PLD5: variants seen among roughly 807,000 people sequenced by gnomAD.
The protein encoded by PLD5 is inactive phospholipase D5.
Under a neutral mutation model 61.1 loss-of-function variants are expected in PLD5, and 36 were observed. The observed-to-expected ratio is 0.59, with a 90% confidence interval of 0.45 to 0.78. The LOEUF is 0.78. PLD5 is among the 30% of genes least tolerant of loss of function. PLD5 has a pLI of 0.00. For missense variants in PLD5, 515 were observed against 644.4 expected (o/e 0.80, Z 2.17); for synonymous variants, 243 against 242.8 (o/e 1.00, Z -0.01).
chr1:242,287,004 G>T (rs1384006184), intron 3 of PLD5, among the ~76,000 whole-genome samples: 2 of 152,044 alleles, frequency 1.3e-5, no homozygotes, highest in African/African-American at 4.8e-5. Context: ...TCCTGTACTT[G>T]GATGTTGCTC....
In PLD5 at chr1:242,154,229, T is replaced by C. The variant is rs1020813190; in HGVS notation, c.736-29564A>G. On this transcript the variant is annotated intron_variant, in intron 5 of 9. Transcript: ENST00000536534. ...GACTTTGCAGAAGTTGCTTATCAGC[T>C]TAAGGAGATTTTGGGCTGAGAAGAT... Among the ~76,000 whole-genome samples the C allele has an allele frequency of 5.9e-5, 9 of 152,226 alleles. No individual in the cohort carries two copies. In the East Asian group the frequency reaches 1.3e-3, roughly 23 times the overall value.
intron 1 of PLD5, among the ~76,000 whole-genome samples, chr1:242,372,832 T>TA (rs762620116): frequency 6.1e-4 from 48 of 78,360 alleles, no homozygotes; most frequent in Non-Finnish European, 1.1e-3. Context: ...CCTAAAACCA[T>TA]AAAAACCCTA....
intron 4 of PLD5, among the ~76,000 whole-genome samples, chr1:242,247,078 G>T (rs1672425648): frequency 2.0e-5 from 3 of 151,176 alleles, no homozygotes; most frequent in African/African-American, 7.3e-5. Flanking sequence ...CCGCCTCCCG[G>T]GTTCACGCCA....
At chr1:242,131,295 ACT>A (rs561375767) in intron 5 of PLD5, among the ~76,000 whole-genome samples, 63 of 151,994 alleles carry the variant, frequency 4.1e-4, no homozygotes, top group Non-Finnish European at 8.4e-4. Flanking sequence ...ACAGAGTGAG[ACT>A]CTGTCTCAAA....
At chr1:242,290,080 G>A (rs141377206) in intron 2 of PLD5, among the ~76,000 whole-genome samples, 8,541 of 150,910 alleles carry the variant, frequency 0.057, 289 homozygotes, top group Middle Eastern at 0.11. Context: ...ACACAGAAAT[G>A]ACTACCACAA....
chr1:242,371,754 G>C (rs1352421449), intron 1 of PLD5, among the ~76,000 whole-genome samples: 1 of 152,134 alleles, frequency 6.6e-6, no homozygotes, highest in Non-Finnish European at 1.5e-5. Context: ...TACAAATGAT[G>C]ACATCCTGAG....
Position 242,348,099 on chromosome 1 carries a change from C to G in PLD5, c.326+7G>C. On this transcript the variant is annotated splice_region_variant and intron_variant, in intron 2 of 9. Transcript: ENST00000536534. ...CTAAAAGAGAATTTTTGTTTGTTAC[C>G]TCTTACCGACATTTATTTTGGCAAT... 6.2e-7 allele frequency: 1 copy of G among 1,612,642 alleles called. No individual in the cohort carries two copies. The highest frequency in any genetic ancestry group is 8.5e-7 in the Non-Finnish European group (1 of 1,179,404).
At chr1:242,244,446 G>T (rs554853847) in intron 4 of PLD5, among the ~76,000 whole-genome samples, 1 of 152,292 alleles carries the variant, frequency 6.6e-6, no homozygotes, top group East Asian at 1.9e-4. Context: ...ATACTGAAAG[G>T]AATTTATCCT....
intron 1 of PLD5, among the ~76,000 whole-genome samples, chr1:242,497,786 TA>T (rs1668418814): frequency 6.6e-6 from 1 of 152,242 alleles, no homozygotes; most frequent in Non-Finnish European, 1.5e-5. Context: ...GAATCATTTA[TA>T]ATGTCCTCAC....
In PLD5 at chr1:242,403,687, C is replaced by T. The variant is rs1011132343; in HGVS notation, c.190-55445G>A. 7.9e-5 allele frequency among the ~76,000 whole-genome samples: 12 copies of T among 151,998 alleles called. No individual in the cohort carries two copies. In the South Asian group the frequency reaches 2.1e-3, roughly 26 times the overall value. On this transcript the variant is annotated intron_variant, in intron 1 of 9. Transcript: ENST00000536534. The stretch of plus-strand genomic sequence containing the variant: ...TTCACCATGTTGGCCAGGCTGGTCT[C>T]GAACCCTTGACCTCAAGTGATCCGC...
At chr1:242,481,707 A>C (rs1667783307) in intron 1 of PLD5, among the ~76,000 whole-genome samples, 1 of 152,232 alleles carries the variant, frequency 6.6e-6, no homozygotes, top group African/African-American at 2.4e-5. Context: ...CTTTGAAGAC[A>C]GTAGTGGTTC....
At chr1:242,149,673 A>C (rs1436255958) in intron 5 of PLD5, among the ~76,000 whole-genome samples, 2 of 112,940 alleles carry the variant, frequency 1.8e-5, no homozygotes, top group Non-Finnish European at 3.3e-5. Context: ...ATACACATAC[A>C]CACACACACA....
At chr1:242,451,465 T>TTTG (rs1457183177) in intron 1 of PLD5, among the ~76,000 whole-genome samples, 15 of 149,680 alleles carry the variant, frequency 1.0e-4, no homozygotes, top group African/African-American at 3.7e-4. Context: ...AATTCTTTTT[T>TTTG]TTTTTTTTTT....
At chr1:242,326,394 G>T (rs1487742950) in intron 2 of PLD5, among the ~76,000 whole-genome samples, 2 of 152,170 alleles carry the variant, frequency 1.3e-5, no homozygotes, top group African/African-American at 2.4e-5. Context: ...AAAACACGGG[G>T]TCATGCTACA....
chr1:242,195,664 C>CTG (rs1289393608), intron 5 of PLD5, among the ~76,000 whole-genome samples: 1 of 152,210 alleles, frequency 6.6e-6, no homozygotes. Flanking sequence ...ACTGCCATGG[C>CTG]TGTGTGTCTC....
At chr1:242,217,000 C>T (rs1670254014) in intron 5 of PLD5, among the ~76,000 whole-genome samples, 1 of 152,200 alleles carries the variant, frequency 6.6e-6, no homozygotes, top group African/African-American at 2.4e-5. Context: ...GATGATAGTA[C>T]TGCTGAATAC....
chr1:242,218,502 C>T (rs1444540215), intron 5 of PLD5, among the ~76,000 whole-genome samples: 2 of 152,172 alleles, frequency 1.3e-5, no homozygotes, highest in East Asian at 3.8e-4. Context: ...AGTGAGTTTG[C>T]AGAGCTCAAG....
intron 3 of PLD5, among the ~76,000 whole-genome samples, chr1:242,271,201 C>CAGAGAGAG (rs60075638): frequency 2.0e-5 from 2 of 102,076 alleles, no homozygotes; most frequent in African/African-American, 8.9e-5. Context: ...CACACACACA[C>CAGAGAGAG]AGAGAGAGAG....
At chr1:242,288,850 C>T (rs1267447448) in intron 2 of PLD5, among the ~76,000 whole-genome samples, 1 of 152,186 alleles carries the variant, frequency 6.6e-6, no homozygotes, top group East Asian at 1.9e-4. Context: ...GTACCTTCTT[C>T]TAGTAATATA....
Sources: allele counts gnomAD v4.1 joint callset (sites outside exome capture counted in the v4.1 genomes callset), GRCh38; gene constraint gnomAD v4.1.1; transcripts MANE v1.5; gene names NCBI Gene and HGNC (gene_info 2026-07-23, HGNC 2026-07-21).